The following CACNA1G variants were observed in gnomAD, a reference collection of about 807,000 sequenced individuals.
CACNA1G encodes the protein voltage-dependent T-type calcium channel subunit alpha-1G.
In CACNA1G, 67 loss-of-function variants were observed where a neutral mutation model predicts 219.4. The observed-to-expected ratio is 0.31, with a 90% CI of 0.25 to 0.37. The LOEUF (loss-of-function observed/expected upper bound fraction) is 0.37, where lower values mean the gene tolerates loss of function less well. CACNA1G is among the 10% of genes least tolerant of loss of function. The probability of loss-of-function intolerance (pLI) is 1.00; values close to 1 mark genes in which losing one functional copy is unlikely to be tolerated. For missense variants in CACNA1G, 2,380 were observed against 3,231.4 expected, an observed-to-expected ratio of 0.74 and a Z score of 6.39; for synonymous variants, 1,296 against 1,345.3, an observed-to-expected ratio of 0.96 and a Z score of 0.80.
At chr17:50,623,770 T>C (rs2052864028) in intron 35 of CACNA1G, 137 bp from the exon 36 acceptor site, 2 of 835,162 alleles carry the variant, frequency 2.4e-6, no homozygotes, top group Admixed American at 4.7e-5. Context: ...CTCATGCCCA[T>C]CTCTACCTTG....
At chr17:50,609,797 G>A (rs1180789734) in intron 25 of CACNA1G, 85 bp from the exon 26 acceptor site, 3 of 1,170,628 alleles carry the variant, frequency 2.6e-6, no homozygotes, top group African/African-American at 3.0e-5. Flanking sequence ...GAGTGAGGTG[G>A]GAGCTGAGGG....
chr17:50,574,703 G>T (rs1415910258), intron 7 of CACNA1G, among the ~76,000 whole-genome samples: 1 of 152,092 alleles, frequency 6.6e-6, no homozygotes, highest in Non-Finnish European at 1.5e-5. Flanking sequence ...AATCACACTA[G>T]TGAAGCTAAT....
Position 50,615,371 on chromosome 17 carries a change from C to T in CACNA1G, c.4770C>T (p.Cys1590=). The T allele has an allele frequency of 3.1e-6, 5 of 1,603,664 alleles. No individual in the cohort carries two copies. The South Asian group carries it at 5.5e-5, about 18-fold the overall frequency. ...SSASAASEAQ[C]KPYYSDYSRF... ...CCCCTGCCCCATCAGAAGCCCAGTG[C>T]AAACCTTACTACTCCGACTACTCCC... Residue 1590 remains cysteine, a synonymous_variant, in exon 27 of 38, where the codon TGC becomes TGT. Transcript: ENST00000359106.
rs1447593193 is a variant in CACNA1G, at chr17:50,561,521, G to A, written c.62G>A (p.Arg21Gln). The change falls in exon 1 of 38, where the codon CGG becomes CAG. Residue 21 changes from arginine (R) to glutamine (Q), a missense_variant. By Grantham distance (43) the Arg-to-Gln change is conservative. Around this residue, in one of 17 missense-constraint regions of CACNA1G, gnomAD observed 98 missense variants for 85.5 expected, o/e 1.15. Coordinates refer to ENST00000359106, the MANE Select transcript of CACNA1G (RefSeq NM_018896.5). The part of the protein sequence containing the change: ...EESGQPRSFM[R>Q]LNDLSGAGGR... The stretch of plus-strand genomic sequence containing the variant: ...TCGGGACAGCCCCGGAGCTTCATGC[G>A]GCTCAACGACCTGTCGGGGGCCGGG... 6.5e-7 allele frequency: 1 copy of A among 1,537,396 alleles called. No homozygotes were observed. Among genetic ancestry groups the A allele is most frequent in the Admixed American group, 2.0e-5 (1 of 50,998 alleles).
rs767555827 is a variant in CACNA1G, at chr17:50,576,035, G to GC, written c.1640dup (p.Gly548TrpfsTer31). 5 of 1,569,910 alleles carry GC rather than the reference G, an allele frequency of 3.2e-6. No individual in the cohort carries two copies. Among genetic ancestry groups the GC allele is most frequent in the Admixed American group, 3.7e-5 (2 of 54,036 alleles). On this transcript the variant is annotated frameshift_variant, in exon 8 of 38. Coordinates refer to ENST00000359106, the MANE Select transcript of CACNA1G (RefSeq NM_018896.5). LOFTEE classifies it high-confidence loss of function. ...ACCCTCGACGCCTGCCCTCTCCGGG[G>GC]CCCCCCCTGGTGGCGCAGAGTCTGT...
chr17:50,572,464 C>T (rs1248201751), intron 5 of CACNA1G, 90 bp from the exon 6 acceptor site: 13 of 1,137,508 alleles, frequency 1.1e-5, no homozygotes, highest in African/African-American at 4.7e-5. Context: ...CTATATGCCT[C>T]GAGCACTCGT....
chr17:50,583,700 C>T (rs2042430930), intron 9 of CACNA1G, among the ~76,000 whole-genome samples: 1 of 151,650 alleles, frequency 6.6e-6, no homozygotes, highest in South Asian at 2.1e-4. Flanking sequence ...TGGGTAGGAG[C>T]AGAGAGATCT....
chr17:50,618,042 T>C lies in CACNA1G; in HGVS notation c.5227-6T>C. On this transcript the variant is annotated splice_region_variant and splice_polypyrimidine_tract_variant and intron_variant, in intron 30 of 37. Transcript: ENST00000359106. The surrounding 1 kb of genome is among the most constrained non-coding windows in gnomAD (Gnocchi z 5.3). Reference sequence around the variant, plus strand: ...CATCGTTTCTATTTCTTCTCCTTTTTTCCAGGTGGGGAACCTGGGACTTCT... The same window carrying C: ...CATCGTTTCTATTTCTTCTCCTTTTCTCCAGGTGGGGAACCTGGGACTTCT... 1 of 1,613,904 alleles carries C rather than the reference T, an allele frequency of 6.2e-7. No individual in the cohort carries two copies. The highest frequency in any genetic ancestry group is 1.7e-5 in the Admixed American group (1 of 60,024).
chr17:50,598,989 A>G (rs1326491925), intron 16 of CACNA1G, among the ~76,000 whole-genome samples: 3 of 152,116 alleles, frequency 2.0e-5, no homozygotes, highest in South Asian at 4.1e-4. Flanking sequence ...CGGCCTCCCA[A>G]TGTGCTGGGA....
In CACNA1G at chr17:50,603,726, T is replaced by A. The variant is rs183504432; in HGVS notation, c.4170-429T>A. ...ACCCCCAACTCAGATTTTTTTTTTT[T>A]AATAGGGATGATGTGGACTAATGGC... On this transcript the variant is annotated intron_variant, in intron 21 of 37. Coordinates refer to ENST00000359106, the MANE Select transcript of CACNA1G (RefSeq NM_018896.5). The surrounding 1 kb of genome is among the most constrained non-coding windows in gnomAD (Gnocchi z 6.4). Among the ~76,000 whole-genome samples, 38 of 151,902 alleles carry A rather than the reference T, an allele frequency of 2.5e-4. No individual in the cohort carries two copies. Among genetic ancestry groups the A allele is most frequent in the African/African-American group, 8.9e-4 (37 of 41,382 alleles).
chr17:50,566,500 G>A (rs2037910311), intron 1 of CACNA1G, among the ~76,000 whole-genome samples: 1 of 152,230 alleles, frequency 6.6e-6, no homozygotes, highest in South Asian at 2.1e-4. Context: ...CTGTGCATGA[G>A]GTTATTCGGG....
In CACNA1G at chr17:50,627,437, A is replaced by ATC. The variant is rs1184180192; in HGVS notation, c.*687_*688insCT. On this transcript the variant is annotated 3_prime_UTR_variant, in exon 38 of 38. Coordinates refer to ENST00000359106, the MANE Select transcript of CACNA1G (RefSeq NM_018896.5). ...TACATACATATCTATCTATCTATCT[A>ATC]TATATATATAAAATAAAGTAATTTT... 1.6e-4 allele frequency: 37 copies of ATC among 228,580 alleles called. No homozygotes were observed. The highest frequency in any genetic ancestry group is 2.6e-4 in the East Asian group (2 of 7,800). The allele number at this position is 228,580 out of a possible 1,614,324, so 14.2% of individuals were successfully genotyped here.
At chr17:50,565,094 G>C (rs2037307317) in intron 1 of CACNA1G, among the ~76,000 whole-genome samples, 1 of 151,086 alleles carries the variant, frequency 6.6e-6, no homozygotes, top group Non-Finnish European at 1.5e-5. Context: ...GATGGCGACA[G>C]ACACAACTGC....
At position 50,618,635 on chromosome 17, in the gene CACNA1G, C is replaced by A. The variant is rs184515811; in HGVS notation, c.5428-20C>A. On this transcript the variant is annotated intron_variant, in intron 32 of 37. Coordinates refer to ENST00000359106, the MANE Select transcript of CACNA1G (RefSeq NM_018896.5). This position sits in a 1 kb window ranked among gnomAD's most constrained non-coding sequence, Gnocchi z 5.3. ...ACAACTGTCCTCCCCAGCCTCACCC[C>A]TCTATTCCACCCTCCCCAGGACACC... 3 of 1,582,272 alleles carry A rather than the reference C, an allele frequency of 1.9e-6. No individual in the cohort carries two copies. Among genetic ancestry groups the A allele is most frequent in the Non-Finnish European group, 2.6e-6 (3 of 1,152,706 alleles).
intron 27 of CACNA1G, 134 bp from the exon 28 acceptor site, chr17:50,616,141 G>C (rs905076400): frequency 5.1e-6 from 3 of 590,570 alleles, no homozygotes; most frequent in South Asian, 2.2e-5. Flanking sequence ...CAGCCATCAT[G>C]ATGGGAACAG....
intron 12 of CACNA1G, 40 bp from the exon 13 acceptor site, chr17:50,591,897 G>A (rs768535036): frequency 1.9e-6 from 3 of 1,613,706 alleles, no homozygotes; most frequent in Non-Finnish European, 2.5e-6. Flanking sequence ...GCCGTCAGGT[G>A]CCCCTAGTAT....
Position 50,578,278 on chromosome 17 carries a change from G to C in CACNA1G, c.2015G>C (p.Arg672Pro). The change falls in exon 9 of 38, where the codon CGG becomes CCG. Residue 672 changes from arginine to proline, a missense_variant. By Grantham distance (103) the Arg-to-Pro change is moderately radical. Transcript: ENST00000359106. This position sits in a 1 kb window ranked among gnomAD's most constrained non-coding sequence, Gnocchi z 4.5. ...CCAGACAGCTGCCCCTACTGTGCCC[G>C]GGCCGGGGCAGGGGAGGTGGAGCTC... Reference protein sequence around the residue: ...CGPDSCPYCARAGAGEVELAD... With the variant: ...CGPDSCPYCAPAGAGEVELAD... 7.4e-6 allele frequency: 12 copies of C among 1,613,024 alleles called. No homozygotes were observed. The African/African-American group carries it at 1.1e-4, about 14-fold the overall frequency.
chr17:50,616,454 C>A, intron 28 of CACNA1G, 70 bp downstream of exon 28: 1 of 915,022 alleles, frequency 1.1e-6, no homozygotes, highest in Non-Finnish European at 1.8e-6. Flanking sequence ...TGGGGAAATA[C>A]CCAGGAAGAC....
rs749099745 is a variant in CACNA1G at position 50,569,012 on chromosome 17, G to GTT, written c.354+32_354+33insTT. On this transcript the variant is annotated intron_variant, in intron 2 of 37. Coordinates refer to ENST00000359106, the MANE Select transcript of CACNA1G (RefSeq NM_018896.5). Reference sequence around the variant, plus strand: ...TGTGTGTGTGTGTGTGTGTGTGTGTGTGTTGTGTGTGTTGGGGGTTGGCCC... The same window carrying GTT: ...TGTGTGTGTGTGTGTGTGTGTGTGTGTTTGTTGTGTGTGTTGGGGGTTGGCCC... 106 of 1,445,680 alleles carry GTT rather than the reference G, an allele frequency of 7.3e-5. No homozygotes were observed. In the South Asian group the frequency reaches 1.2e-3, roughly 17 times the overall value. The allele number at this position is 1,445,680 out of a possible 1,614,324, so 89.6% of individuals were successfully genotyped here.
Sources: allele counts gnomAD v4.1 joint callset (sites outside exome capture counted in the v4.1 genomes callset), GRCh38; gene constraint gnomAD v4.1.1; regional missense constraint gnomAD v4.1.1; non-coding constraint Gnocchi (gnomAD v3.1); transcripts MANE v1.5; gene names NCBI Gene and HGNC (gene_info 2026-07-23, HGNC 2026-07-21).